Variants in RPF2 observed in about 807,000 individuals in gnomAD.
RPF2 encodes ribosome production factor 2 homolog.
In RPF2, 21 loss-of-function variants were observed where a neutral mutation model predicts 38.9. The observed-to-expected ratio is 0.54, with a 90% confidence interval of 0.38 to 0.78. The LOEUF (loss-of-function observed/expected upper bound fraction) is 0.78, where lower values mean the gene tolerates loss of function less well. Among genes scored for constraint, RPF2 ranks in the 30% least tolerant of loss-of-function variants. RPF2 has a pLI of 0.00. For missense variants in RPF2, 314 were observed against 358.1 expected (o/e 0.88, Z 0.99); for synonymous variants, 121 against 126.2 (o/e 0.96, Z 0.28).
intron 6 of RPF2, among the ~76,000 whole-genome samples, chr6:111,003,267 C>T (rs1356730451): frequency 1.3e-5 from 2 of 152,018 alleles, no homozygotes; most frequent in African/African-American, 2.4e-5. Flanking sequence ...TTGTTGCCAA[C>T]CCTCATTCCT....
At chr6:110,990,969 T>C (rs1165688799) in intron 3 of RPF2, among the ~76,000 whole-genome samples, 3 of 152,134 alleles carry the variant, frequency 2.0e-5, no homozygotes, top group African/African-American at 7.2e-5. Flanking sequence ...TCTGGGTTCA[T>C]CTTGTCTTTT....
At chr6:111,018,073 C>T (rs934214514) in intron 8 of RPF2, among the ~76,000 whole-genome samples, 2 of 151,998 alleles carry the variant, frequency 1.3e-5, no homozygotes, top group Admixed American at 6.5e-5. Flanking sequence ...ACCAGTCAGG[C>T]GTGGCGGCGC....
rs2114358750 is a variant in RPF2 at position 111,024,103 on chromosome 6, A to G, written c.597-80A>G. On this transcript the variant is annotated intron_variant, in intron 8 of 9. Coordinates refer to ENST00000441448, the MANE Select transcript of RPF2 (RefSeq NM_032194.3). ...TTTATATCATTTAATGGAATTGTAA[A>G]TCCCCTGAACAAAAAATATTTGGTG... The G allele has an allele frequency of 3.2e-6, 4 of 1,244,840 alleles. No homozygotes were observed. The East Asian group carries it at 7.1e-5, about 22-fold the overall frequency. The allele number at this position is 1,244,840 out of a possible 1,614,324, so 77.1% of individuals were successfully genotyped here.
At chr6:111,005,051 A>C (rs1034500429) in intron 6 of RPF2, among the ~76,000 whole-genome samples, 21 of 152,174 alleles carry the variant, frequency 1.4e-4, no homozygotes, top group Non-Finnish European at 2.5e-4. Flanking sequence ...CTATAGTCCT[A>C]GGGTCAGACT....
rs1276865322 is a variant in RPF2 at position 111,027,562 on chromosome 6, C to A, written c.*1980C>A. ...AGCCGCTTACGGGACCCTGCCATGC[C>A]TGGACCCCTCTATCAGGAAGACCTA... On this transcript the variant is annotated 3_prime_UTR_variant, in exon 10 of 10. Coordinates refer to ENST00000441448, the MANE Select transcript of RPF2 (RefSeq NM_032194.3). The A allele has an allele frequency of 1.3e-5, 2 of 152,220 alleles. No individual in the cohort carries two copies. The highest frequency in any genetic ancestry group is 4.8e-5 in the African/African-American group (2 of 41,448). 9.4% of individuals were successfully genotyped at this position (152,220 alleles called of 1,614,324 possible). A position where few individuals can be genotyped will look rare whatever the true frequency, so the allele number is the denominator to read the frequency against.
chr6:111,007,994 T>G, intron 6 of RPF2, 44 bp from the exon 7 acceptor site: 2 of 1,516,162 alleles, frequency 1.3e-6, no homozygotes, highest in Admixed American at 2.3e-5. Context: ...ATAAACAGTT[T>G]AGACTTTGGT....
At chr6:111,010,875 C>T (rs1772001089) in intron 7 of RPF2, among the ~76,000 whole-genome samples, 1 of 152,102 alleles carries the variant, frequency 6.6e-6, no homozygotes, top group South Asian at 2.1e-4. Context: ...AAAAACACGT[C>T]ACCCATTCTT....
intron 8 of RPF2, among the ~76,000 whole-genome samples, chr6:111,019,514 A>G (rs1224893340): frequency 1.3e-5 from 2 of 151,902 alleles, no homozygotes; most frequent in Non-Finnish European, 2.9e-5. Flanking sequence ...AGGCGGGTGG[A>G]TCACCTGAGG....
At chr6:111,020,325 C>T (rs1320820178) in intron 8 of RPF2, among the ~76,000 whole-genome samples, 1 of 152,128 alleles carries the variant, frequency 6.6e-6, no homozygotes, top group African/African-American at 2.4e-5. Flanking sequence ...AAGCGATTCT[C>T]CTGCCTCGGG....
chr6:111,005,241 C>G (rs745884813), intron 6 of RPF2, among the ~76,000 whole-genome samples: 2 of 152,154 alleles, frequency 1.3e-5, no homozygotes, highest in Non-Finnish European at 2.9e-5. Flanking sequence ...CAGGTGACCT[C>G]TGGTCCTAGG....
chr6:110,983,681 G>C (rs1771470081), intron 1 of RPF2, among the ~76,000 whole-genome samples: 1 of 152,096 alleles, frequency 6.6e-6, no homozygotes, highest in Non-Finnish European at 1.5e-5. Flanking sequence ...CTTGCTGTGT[G>C]ATCTTGGGCA....
chr6:111,017,390 G>C (rs1334149939), intron 8 of RPF2, among the ~76,000 whole-genome samples: 1 of 142,602 alleles, frequency 7.0e-6, no homozygotes, highest in East Asian at 2.3e-4. Context: ...GCGGCTGCCA[G>C]GCGGAGACGC....
rs1772095514 is a variant in RPF2 at position 111,015,699 on chromosome 6, C to G, written c.494-55C>G. ...CTGTTTAGAGTGCAGTTCTTTGTAA[C>G]TGAATTTTGCAAGTATTTGTTTTGT... is the stretch of plus-strand genomic sequence containing the variant. On this transcript the variant is annotated intron_variant, in intron 7 of 9. Coordinates refer to ENST00000441448, the MANE Select transcript of RPF2 (RefSeq NM_032194.3). 13 of 1,234,716 alleles carry G rather than the reference C, an allele frequency of 1.1e-5. No homozygotes were observed. In the South Asian group the frequency reaches 1.6e-4, roughly 15 times the overall value. 76.5% of individuals were successfully genotyped at this position (1,234,716 alleles called of 1,614,324 possible). A position where few individuals can be genotyped will look rare whatever the true frequency, so the allele number is the denominator to read the frequency against.
intron 8 of RPF2, among the ~76,000 whole-genome samples, chr6:111,021,408 G>T (rs1165850762): frequency 5.3e-5 from 8 of 152,192 alleles, no homozygotes. Context: ...CACTGTGATT[G>T]AGAGTGAGCT....
At chr6:110,984,511 T>G (rs1464441461) in intron 1 of RPF2, among the ~76,000 whole-genome samples, 3 of 152,014 alleles carry the variant, frequency 2.0e-5, no homozygotes, top group Non-Finnish European at 4.4e-5. Flanking sequence ...TATTTAACAA[T>G]AATAAGGAAA....
intron 7 of RPF2, among the ~76,000 whole-genome samples, chr6:111,008,699 A>T (rs1345198997): frequency 1.3e-5 from 2 of 152,106 alleles, no homozygotes; most frequent in African/African-American, 4.8e-5. Context: ...CTTTCACAAT[A>T]TATAACCAAT....
chr6:111,007,326 TAAAA>T (rs1346493066), intron 6 of RPF2, among the ~76,000 whole-genome samples: 1 of 152,214 alleles, frequency 6.6e-6, no homozygotes, highest in Non-Finnish European at 1.5e-5. Flanking sequence ...AGACTAATGT[TAAAA>T]AAGCCCTTTA....
At chr6:111,023,584 T>C (rs1772269374) in intron 8 of RPF2, among the ~76,000 whole-genome samples, 1 of 152,186 alleles carries the variant, frequency 6.6e-6, no homozygotes, top group Admixed American at 6.5e-5. Context: ...TATTGTATAA[T>C]TTTATTTCTG....
intron 9 of RPF2, 60 bp downstream of exon 9, chr6:111,024,387 T>C (rs1246185969): frequency 6.7e-7 from 1 of 1,489,742 alleles, no homozygotes; most frequent in African/African-American, 1.4e-5. Context: ...ATCCTTTTTC[T>C]TTCCAAAAAG....
Sources: allele counts gnomAD v4.1 joint callset (sites outside exome capture counted in the v4.1 genomes callset), GRCh38; gene constraint gnomAD v4.1.1; transcripts MANE v1.5; gene names NCBI Gene and HGNC (gene_info 2026-07-23, HGNC 2026-07-21).